Variants in EXOC6 observed in about 807,000 individuals in gnomAD.
EXOC6 encodes exocyst complex component 6, also known as SEC15-like 1.
EXOC6 carries 60 observed loss-of-function variants against 112.5 expected under a neutral mutation model. That is an observed-to-expected ratio of 0.53 (90% CI 0.43 to 0.66). The LOEUF is 0.66. Among genes scored for constraint, EXOC6 ranks in the 30% least tolerant of loss-of-function variants. The pLI is 0.00. For synonymous variants in EXOC6, 295 were observed against 308.0 expected (o/e 0.96, Z 0.44); for missense variants, 855 against 957.1 (o/e 0.89, Z 1.41).
intron 1 of EXOC6, among the ~76,000 whole-genome samples, chr10:92,866,756 T>C (rs1848193577): frequency 6.6e-6 from 1 of 152,150 alleles, no homozygotes; most frequent in South Asian, 2.1e-4. Context: ...TTTTAAAAAC[T>C]GAAATTATCA....
At chr10:92,831,362 G>T, upstream of EXOC6, 1 of 1,286,468 alleles carries the variant, frequency 7.8e-7, no homozygotes, top group Non-Finnish European at 1.0e-6. Context: ...GTGACAGTAA[G>T]TCAAAGCAAT....
At chr10:92,834,659 A>ATTT (rs11408607), upstream of EXOC6, 197 of 967,900 alleles carry the variant, frequency 2.0e-4, no homozygotes, top group South Asian at 3.1e-4. Flanking sequence ...GGAAAACGGT[A>ATTT]TTTTTTTTTT....
chr10:92,945,552 A>G (rs1852943293), intron 13 of EXOC6, among the ~76,000 whole-genome samples: 1 of 152,194 alleles, frequency 6.6e-6, no homozygotes, highest in African/African-American at 2.4e-5. Context: ...CTATAAACAG[A>G]TCATATTAAG....
upstream of EXOC6, among the ~76,000 whole-genome samples, chr10:92,831,726 C>T (rs145104391): frequency 2.4e-4 from 37 of 152,238 alleles, no homozygotes; most frequent in Admixed American, 1.6e-3. Context: ...TGACCCACCG[C>T]GCCCAGCCTA....
In EXOC6 at chr10:93,005,216, G is replaced by T. The variant is rs192599588; in HGVS notation, c.2095+7601G>T. Reference sequence around the variant, plus strand: ...GTATGAATATAGAGGTTAACTTTTGGTTAATTTGACCATAACCATCATGCT... The same window carrying T: ...GTATGAATATAGAGGTTAACTTTTGTTTAATTTGACCATAACCATCATGCT... On this transcript the variant is annotated intron_variant, in intron 19 of 21. Transcript: ENST00000260762. 2.0e-5 allele frequency among the ~76,000 whole-genome samples: 3 copies of T among 152,244 alleles called. No homozygotes were observed. The East Asian group carries it at 5.8e-4, about 29-fold the overall frequency.
chr10:92,864,160 CA>C (rs1306613562), intron 1 of EXOC6, among the ~76,000 whole-genome samples: 1 of 152,066 alleles, frequency 6.6e-6, no homozygotes, highest in Non-Finnish European at 1.5e-5. Flanking sequence ...TTCTGGCAAA[CA>C]GACTCACTGT....
At chr10:92,877,735 T>A (rs2133753263) in intron 1 of EXOC6, among the ~76,000 whole-genome samples, 1 of 152,316 alleles carries the variant, frequency 6.6e-6, no homozygotes, top group Middle Eastern at 3.4e-3. Context: ...TTTGTTTTCC[T>A]CCATACTACT....
intron 1 of EXOC6, among the ~76,000 whole-genome samples, chr10:92,827,011 T>C (rs996758333): frequency 6.6e-5 from 10 of 152,146 alleles, no homozygotes; most frequent in African/African-American, 2.4e-4. Flanking sequence ...GGAGTGCTTG[T>C]AGATCATTTT....
chr10:92,972,860 T>G (rs1842354451), intron 17 of EXOC6, among the ~76,000 whole-genome samples: 1 of 152,244 alleles, frequency 6.6e-6, no homozygotes, highest in African/African-American at 2.4e-5. Context: ...GCTTGGAGCC[T>G]TCTTAGGTCT....
At chr10:93,037,587 G>A (rs965419089) in intron 20 of EXOC6, among the ~76,000 whole-genome samples, 1 of 147,666 alleles carries the variant, frequency 6.8e-6, no homozygotes, top group Non-Finnish European at 1.5e-5. Context: ...TTACAGGCAC[G>A]TGCCACCACA....
chr10:93,024,639 A>G (rs1206548348), intron 20 of EXOC6, among the ~76,000 whole-genome samples: 1 of 152,054 alleles, frequency 6.6e-6, no homozygotes, highest in Admixed American at 6.5e-5. Flanking sequence ...GCTGGTTGCG[A>G]ACTCCTGACC....
chr10:92,954,678 G>C lies in EXOC6; in HGVS notation c.1575G>C (p.Leu525=). The change falls in exon 16 of 22, where the codon CTG becomes CTC. Residue 525 remains leucine, a synonymous_variant. Transcript: ENST00000260762. ...DMLRKSTNLL[L]TRTLSSCLLN... Reference sequence around the variant, plus strand: ...TTAGAAAATCAACAAATCTGCTGCTGACCAGAACTTTGAGTAGCTGTTTAC... The same window carrying C: ...TTAGAAAATCAACAAATCTGCTGCTCACCAGAACTTTGAGTAGCTGTTTAC... The C allele has an allele frequency of 6.2e-7, 1 of 1,610,220 alleles. No homozygotes were observed. The highest frequency in any genetic ancestry group is 8.5e-7 in the Non-Finnish European group (1 of 1,177,664).
chr10:93,012,657 A>C (rs1290913029), intron 19 of EXOC6, among the ~76,000 whole-genome samples: 2 of 152,202 alleles, frequency 1.3e-5, no homozygotes, highest in African/African-American at 2.4e-5. Context: ...CACTAAATTT[A>C]AGAATTGCTT....
At position 92,896,135 on chromosome 10, in the gene EXOC6, GTGTA is replaced by G. The variant is rs372338415; in HGVS notation, c.412+1123_412+1126del. Among the ~76,000 whole-genome samples, 88 of 21,060 alleles carry G rather than the reference GTGTA, an allele frequency of 4.2e-3. 7 individuals carry two copies. The East Asian group carries it at 0.15, about 36-fold the overall frequency. 13.8% of individuals were successfully genotyped at this position (21,060 alleles called of 152,430 possible). A position where few individuals can be genotyped will look rare whatever the true frequency, so the allele number is the denominator to read the frequency against. On this transcript the variant is annotated intron_variant, in intron 4 of 21. Coordinates refer to ENST00000260762, the MANE Select transcript of EXOC6 (RefSeq NM_019053.6). The stretch of plus-strand genomic sequence containing the variant: ...TGTATATATATGTGTGTGTGTGTGT[GTGTA>G]TGTATGTGTATATATATATATATAT...
At position 92,894,793 on chromosome 10, in the gene EXOC6, G is replaced by A. The variant is rs1296322547; in HGVS notation, c.274-1G>A. 6.2e-7 allele frequency: 1 copy of A among 1,613,056 alleles called. No homozygotes were observed. The highest frequency in any genetic ancestry group is 1.7e-5 in the Admixed American group (1 of 59,908). ...AACTAAGGTGAAATTAAATTTTTAAGGTGCAAGTTACTGATACCAACCGAA... is the reference window on the plus strand; with the variant it reads ...AACTAAGGTGAAATTAAATTTTTAAAGTGCAAGTTACTGATACCAACCGAA... On this transcript the variant is annotated splice_acceptor_variant, in intron 2 of 21. Transcript: ENST00000260762. LOFTEE classifies it high-confidence loss of function.
chr10:92,845,552 C>CAAA (rs1169907413), upstream of EXOC6, among the ~76,000 whole-genome samples: 4 of 65,518 alleles, frequency 6.1e-5, no homozygotes, highest in African/African-American at 9.8e-5. Context: ...GACTCCATCT[C>CAAA]AAAAAAAAAA....
intron 17 of EXOC6, among the ~76,000 whole-genome samples, chr10:92,961,259 G>A (rs1458572637): frequency 6.6e-6 from 1 of 152,102 alleles, no homozygotes; most frequent in Non-Finnish European, 1.5e-5. Flanking sequence ...TATTGATGGA[G>A]TGTTCCTTTG....
intron 7 of EXOC6, among the ~76,000 whole-genome samples, chr10:92,917,632 T>C (rs75405917): frequency 0.022 from 3,319 of 151,882 alleles, 57 homozygotes; most frequent in African/African-American, 0.041. Flanking sequence ...CCAAGTGTTC[T>C]TCCCACTTCA....
chr10:92,925,356 G>C (rs1851658790), intron 8 of EXOC6, among the ~76,000 whole-genome samples: 1 of 151,836 alleles, frequency 6.6e-6, no homozygotes, highest in South Asian at 2.1e-4. Context: ...GTGCAGTGGT[G>C]TAATCTTGGC....
Sources: gnomAD v4.1 joint callset for allele counts (sites outside exome capture counted in the v4.1 genomes callset) on GRCh38, gnomAD v4.1.1 for gene constraint, MANE v1.5 for transcripts, NCBI Gene and HGNC (gene_info 2026-07-23, HGNC 2026-07-21) for gene names.